Variants in YIPF7 observed in about 807,000 individuals in gnomAD.
YIPF7 encodes the protein Yip1 domain family member 7.
In YIPF7, 35 loss-of-function variants were observed where a neutral mutation model predicts 27.2. The observed-to-expected ratio is 1.29, with a 90% CI of 0.98 to 1.70. The LOEUF (loss-of-function observed/expected upper bound fraction) is 1.70, where lower values mean the gene tolerates loss of function less well. YIPF7 is among the 40% of genes most tolerant of loss of function. YIPF7 has a pLI of 0.00. For missense variants in YIPF7, 358 were observed against 303.7 expected (o/e 1.18, Z -1.33); for synonymous variants, 137 against 110.4 (o/e 1.24, Z -1.51).
At chr4:44,646,348 G>T (rs1577741956) in intron 2 of YIPF7, among the ~76,000 whole-genome samples, 1 of 152,136 alleles carries the variant, frequency 6.6e-6, no homozygotes, top group Non-Finnish European at 1.5e-5. Flanking sequence ...ACTCTGGTTG[G>T]TCTAGCTGGG....
upstream of YIPF7, among the ~76,000 whole-genome samples, chr4:44,653,604 ATTTGGGAAAGATTTAATAGGATTCAG>A (rs1713804311): frequency 6.6e-6 from 1 of 152,148 alleles, no homozygotes; most frequent in African/African-American, 2.4e-5. Context: ...TACAGAAGAT[ATTTGGGAAAGATTTAATAGGATTCAG>A]TTTCTATTGA....
At chr4:44,622,710 T>C (rs1255967625) in intron 5 of YIPF7, 134 bp from the exon 6 acceptor site, 1 of 1,169,590 alleles carries the variant, frequency 8.5e-7, no homozygotes, top group Non-Finnish European at 1.2e-6. Flanking sequence ...TGATAAAATA[T>C]ATGAACAAAA....
chr4:44,644,518 T>G (rs553223434), intron 2 of YIPF7, among the ~76,000 whole-genome samples: 3 of 152,188 alleles, frequency 2.0e-5, no homozygotes, highest in African/African-American at 7.2e-5. Flanking sequence ...ATTCCCTTTT[T>G]TTGGCCAATT....
intron 3 of YIPF7, among the ~76,000 whole-genome samples, chr4:44,629,876 G>C (rs1255433044): frequency 1.3e-5 from 2 of 152,206 alleles, no homozygotes; most frequent in Admixed American, 6.5e-5. Flanking sequence ...TGAAAATTGG[G>C]AAGTTGGCAA....
intron 1 of YIPF7, among the ~76,000 whole-genome samples, chr4:44,660,970 A>C (rs1714029920): frequency 6.6e-6 from 1 of 152,236 alleles, no homozygotes; most frequent in African/African-American, 2.4e-5. Context: ...AATACAGAAA[A>C]TGCCAACCGG....
chr4:44,648,258 G>T (rs972126163), intron 2 of YIPF7, among the ~76,000 whole-genome samples: 1 of 152,040 alleles, frequency 6.6e-6, no homozygotes, highest in African/African-American at 2.4e-5. Flanking sequence ...ATGGATTTTT[G>T]AATATTTACA....
At chr4:44,645,015 G>A (rs550810617) in intron 2 of YIPF7, among the ~76,000 whole-genome samples, 1 of 152,182 alleles carries the variant, frequency 6.6e-6, no homozygotes, top group Admixed American at 6.5e-5. Context: ...TCTGCCAAGA[G>A]TAAAAGCTCC....
At chr4:44,635,895 C>A (rs757582730) in intron 3 of YIPF7, 27 bp downstream of exon 3, 3 of 1,611,138 alleles carry the variant, frequency 1.9e-6, no homozygotes, top group Non-Finnish European at 2.5e-6. Context: ...TAGCTGTACA[C>A]ACATTAATAA....
At chr4:44,645,818 T>A (rs896309826) in intron 2 of YIPF7, among the ~76,000 whole-genome samples, 78 of 151,658 alleles carry the variant, frequency 5.1e-4, no homozygotes, top group Admixed American at 1.4e-3. Flanking sequence ...AATCAGCAAA[T>A]TTCATTTATA....
intron 4 of YIPF7, among the ~76,000 whole-genome samples, chr4:44,625,484 G>T (rs1459922487): frequency 1.3e-5 from 2 of 152,092 alleles, no homozygotes; most frequent in African/African-American, 2.4e-5. Flanking sequence ...ATTTAATTTA[G>T]CATTTAGTTG....
intron 2 of YIPF7, among the ~76,000 whole-genome samples, chr4:44,637,528 G>A (rs2109587853): frequency 6.6e-6 from 1 of 152,162 alleles, no homozygotes; most frequent in African/African-American, 2.4e-5. Flanking sequence ...ATACTTGTTG[G>A]CCATTCGTAT....
At chr4:44,658,170 G>A (rs1713951799) in intron 2 of YIPF7, among the ~76,000 whole-genome samples, 1 of 152,150 alleles carries the variant, frequency 6.6e-6, no homozygotes. Flanking sequence ...ATGGTATCTG[G>A]AGGTGGAGTC....
At chr4:44,660,651 G>A (rs1714022851) in intron 1 of YIPF7, 1 of 152,212 alleles carries the variant, frequency 6.6e-6, no homozygotes, top group Admixed American at 6.5e-5. Context: ...AATGATTGTT[G>A]TGAGTCACTA....
chr4:44,643,592 C>T (rs1383884273), intron 2 of YIPF7, among the ~76,000 whole-genome samples: 1 of 152,090 alleles, frequency 6.6e-6, no homozygotes, highest in Non-Finnish European at 1.5e-5. Flanking sequence ...GACTCAAAGG[C>T]CTTTGTGTCA....
chr4:44,659,221 AATTATATTTTTTAACTTAAGCT>A lies in YIPF7; in HGVS notation c.-2+1206_-2+1227del, dbSNP rs1300354347. The stretch of plus-strand genomic sequence containing the variant: ...TGAGTGTGCATTAAGTGCAGTAATA[AATTATATTTTTTAACTTAAGCT>A]TGCCCTTACAATATGCACACATGGC... On this transcript the variant is annotated intron_variant, in intron 2 of 2. Transcript: ENST00000508947. 2.5e-3 allele frequency among the ~76,000 whole-genome samples: 379 copies of A among 152,284 alleles called. 1 individual carries two copies. Among genetic ancestry groups the A allele is most frequent in the Non-Finnish European group, 4.0e-3 (269 of 68,032 alleles).
At chr4:44,646,257 C>T (rs563551410) in intron 2 of YIPF7, among the ~76,000 whole-genome samples, 1 of 152,268 alleles carries the variant, frequency 6.6e-6, no homozygotes, top group African/African-American at 2.4e-5. Context: ...CTTGGTAAGA[C>T]CTTATCAAAT....
intron 3 of YIPF7, among the ~76,000 whole-genome samples, chr4:44,632,906 C>G (rs79391269): frequency 0.092 from 14,062 of 152,166 alleles, 805 homozygotes; most frequent in East Asian, 0.26. Context: ...GGGCCGTGGA[C>G]CCATATCTAC....
chr4:44,630,973 C>T (rs897394698), intron 3 of YIPF7, among the ~76,000 whole-genome samples: 6 of 152,056 alleles, frequency 3.9e-5, no homozygotes, highest in African/African-American at 1.4e-4. Context: ...GAGGTGGAGG[C>T]TAGGAAGAAT....
In YIPF7 at chr4:44,644,632, G is replaced by A. The variant is rs543089527; in HGVS notation, c.116+5353C>T. ...AGAAGGGAGTAGCCTTGTGTCAGGT[G>A]AGACTTTGGACTTGGACTTTTGAGT... On this transcript the variant is annotated intron_variant, in intron 2 of 5. Coordinates refer to ENST00000415895, the MANE Select transcript of YIPF7 (RefSeq NM_182592.3). Among the ~76,000 whole-genome samples, 47 of 152,284 alleles carry A rather than the reference G, an allele frequency of 3.1e-4. No individual in the cohort carries two copies. The Middle Eastern group carries it at 0.014, about 44-fold the overall frequency.
Sources: gnomAD v4.1 joint callset for allele counts (sites outside exome capture counted in the v4.1 genomes callset) on GRCh38, gnomAD v4.1.1 for gene constraint, MANE v1.5 for transcripts, NCBI Gene and HGNC (gene_info 2026-07-23, HGNC 2026-07-21) for gene names.